Variants in MED13L observed in about 807,000 individuals in gnomAD.
MED13L encodes the protein mediator complex subunit 13L, also known as mediator of RNA polymerase II transcription subunit 13-like.
Under a neutral mutation model 220.9 loss-of-function variants are expected in MED13L, and 7 were observed. The ratio of observed to expected loss-of-function variants is 0.03; its 90% CI spans 0.02 to 0.06. The LOEUF (loss-of-function observed/expected upper bound fraction) is 0.06. Among genes scored for constraint, MED13L ranks in the 10% least tolerant of loss-of-function variants. The pLI is 1.00. For missense variants in MED13L, 1,965 were observed against 2,760.5 expected (o/e 0.71, Z 6.46); for synonymous variants, 1,011 against 1,015.2 (o/e 1.00, Z 0.08).
intron 2 of MED13L, among the ~76,000 whole-genome samples, chr12:116,195,245 T>G (rs530562845): frequency 5.3e-5 from 8 of 150,414 alleles, no homozygotes; most frequent in Non-Finnish European, 7.4e-5. Context: ...TGCCCTCTGC[T>G]GCCAATCTAA....
intron 2 of MED13L, among the ~76,000 whole-genome samples, chr12:116,131,577 C>T (rs187560787): frequency 7.9e-5 from 12 of 152,266 alleles, no homozygotes; most frequent in Admixed American, 2.6e-4. Context: ...ACAGACGTTA[C>T]GATGAAACTC....
chr12:116,116,315 G>C (rs1283526810), intron 2 of MED13L, among the ~76,000 whole-genome samples: 1 of 152,016 alleles, frequency 6.6e-6, no homozygotes, highest in African/African-American at 2.4e-5. Flanking sequence ...ATGATTTAAT[G>C]AATCAAACCT....
At chr12:116,269,479 A>AG (rs1873096430) in intron 1 of MED13L, among the ~76,000 whole-genome samples, 1 of 151,452 alleles carries the variant, frequency 6.6e-6, no homozygotes, top group Admixed American at 6.6e-5. Flanking sequence ...AAAAAAAAAA[A>AG]AAAAAAAAAG....
intron 2 of MED13L, among the ~76,000 whole-genome samples, chr12:116,132,734 AC>A (rs1876182730): frequency 1.3e-5 from 2 of 152,190 alleles, no homozygotes; most frequent in Non-Finnish European, 2.9e-5. Context: ...AGACTGGCCA[AC>A]ATGGCGAAAC....
At chr12:116,007,073 C>T in intron 11 of MED13L, 8 of 340,922 alleles carry the variant, frequency 2.3e-5, no homozygotes, top group Non-Finnish European at 3.4e-5. Context: ...ACATTTTTTC[C>T]TTTACATTTT....
intron 22 of MED13L, among the ~76,000 whole-genome samples, chr12:115,981,407 C>T (rs1213361983): frequency 6.6e-6 from 1 of 152,128 alleles, no homozygotes; most frequent in East Asian, 1.9e-4. Context: ...TTTAATTTTA[C>T]AAGATAGCTT....
chr12:116,223,851 A>ACATCATGT (rs776593882), intron 2 of MED13L, among the ~76,000 whole-genome samples: 1 of 152,174 alleles, frequency 6.6e-6, no homozygotes, highest in Non-Finnish European at 1.5e-5. Flanking sequence ...TCCTATAACA[A>ACATCATGT]CATCATGTCA....
At chr12:115,982,986 T>C in intron 21 of MED13L, 131 bp downstream of exon 21, 1 of 997,620 alleles carries the variant, frequency 1.0e-6, no homozygotes, top group Admixed American at 2.4e-5. Context: ...ATTGCCCCTT[T>C]CTTTTGAGAA....
rs558350630 is a variant in MED13L at position 116,218,629 on chromosome 12, A to AT, written c.310+18838dup. Among the ~76,000 whole-genome samples, 40 of 152,048 alleles carry AT rather than the reference A, an allele frequency of 2.6e-4. 1 individual carries two copies. The South Asian group carries it at 8.3e-3, about 32-fold the overall frequency. ...ATAAAGAAGTTGTAAATGGCTCTCCATTTTCAAATTTCTTCTCCAAATAAC... is the reference window on the plus strand; with the variant it reads ...ATAAAGAAGTTGTAAATGGCTCTCCATTTTTCAAATTTCTTCTCCAAATAAC... On this transcript the variant is annotated intron_variant, in intron 2 of 30. Coordinates refer to ENST00000281928, the MANE Select transcript of MED13L (RefSeq NM_015335.5).
intron 2 of MED13L, among the ~76,000 whole-genome samples, chr12:116,145,991 C>T (rs1877471657): frequency 6.6e-6 from 1 of 152,210 alleles, no homozygotes; most frequent in Non-Finnish European, 1.5e-5. Context: ...AATTCACTAG[C>T]AAACAGACTT....
intron 2 of MED13L, among the ~76,000 whole-genome samples, chr12:116,165,388 T>C (rs1025588167): frequency 6.6e-5 from 10 of 150,918 alleles, no homozygotes; most frequent in African/African-American, 2.4e-5. Context: ...TGGAGTTCAG[T>C]GGCACGATCT....
chr12:116,046,032 A>G (rs1034361999), intron 4 of MED13L, among the ~76,000 whole-genome samples: 16 of 152,156 alleles, frequency 1.1e-4, no homozygotes, highest in African/African-American at 3.6e-4. Context: ...AAAAAAGAAA[A>G]AGCAGGCTTA....
chr12:116,084,872 A>G (rs1411201918), intron 4 of MED13L, among the ~76,000 whole-genome samples: 1 of 152,138 alleles, frequency 6.6e-6, no homozygotes, highest in Non-Finnish European at 1.5e-5. Flanking sequence ...AAAATTTACC[A>G]GCCAACAGCC....
At chr12:116,104,753 GCTTT>G (rs1418942307) in intron 3 of MED13L, among the ~76,000 whole-genome samples, 5 of 152,108 alleles carry the variant, frequency 3.3e-5, no homozygotes, top group African/African-American at 9.7e-5. Flanking sequence ...AAAAAAATGA[GCTTT>G]CTATTGAAAT....
chr12:116,059,271 G>C (rs1196009017), intron 4 of MED13L, among the ~76,000 whole-genome samples: 1 of 152,072 alleles, frequency 6.6e-6, no homozygotes, highest in Admixed American at 6.5e-5. Context: ...TGTTGCTCAG[G>C]CTGGTCTTGA....
chr12:115,966,111 C>A lies in MED13L; in HGVS notation c.6358G>T (p.Ala2120Ser), dbSNP rs778789057. The change falls in exon 29 of 31, where the codon GCT (alanine) becomes TCT (serine). Residue 2120 changes from alanine (A) to serine (S), a missense_variant. Ala to Ser is a moderately conservative substitution (Grantham distance 99). Coordinates refer to ENST00000281928, the MANE Select transcript of MED13L (RefSeq NM_015335.5). The part of the protein sequence containing the change: ...PQWFWSSCPQ[A>S]QNQCPLFLKA... ...AAGAAGAGAGGGCACTGGTTTTGAG[C>A]CTGGGGACACGATGACCAAAACCAC... The A allele has an allele frequency of 1.9e-6, 3 of 1,614,100 alleles. No individual in the cohort carries two copies. Among genetic ancestry groups the A allele is most frequent in the Admixed American group, 3.3e-5 (2 of 60,020 alleles).
rs746522055 is a variant in MED13L, at chr12:115,996,676, A to C, written c.2796T>G (p.Phe932Leu). The change falls in exon 16 of 31, where the codon TTT becomes TTG. Residue 932 changes from phenylalanine to leucine, a missense_variant. This residue lies in a region of MED13L where 233 missense variants were observed against 306.2 expected (regional missense o/e 0.76). Transcript: ENST00000281928. ...AGGATGGAACTTTGTGCACATATGA[A>C]AAGTCCTGTGACAACAAAGTGGGGT... ...GSPKPEEIKD[F>L]SYVHKVPSFQ... 1 of 1,613,482 alleles carries C rather than the reference A, an allele frequency of 6.2e-7. No individual in the cohort carries two copies. Among genetic ancestry groups the C allele is most frequent in the South Asian group, 1.1e-5 (1 of 91,056 alleles).
At chr12:116,213,584 T>C (rs1485946470) in intron 2 of MED13L, among the ~76,000 whole-genome samples, 3 of 152,156 alleles carry the variant, frequency 2.0e-5, no homozygotes, top group Non-Finnish European at 4.4e-5. Flanking sequence ...TGGCTAATTT[T>C]GTATTTTTAG....
chr12:116,235,097 G>C (rs553598718), intron 2 of MED13L, among the ~76,000 whole-genome samples: 8 of 151,934 alleles, frequency 5.3e-5, no homozygotes, highest in African/African-American at 1.9e-4. Context: ...GACTGCTATC[G>C]TATTTCCCCT....
Sources: gnomAD v4.1 joint callset for allele counts (sites outside exome capture counted in the v4.1 genomes callset) on GRCh38, gnomAD v4.1.1 for gene constraint, gnomAD v4.1.1 regional missense constraint, MANE v1.5 for transcripts, NCBI Gene and HGNC (gene_info 2026-07-23, HGNC 2026-07-21) for gene names.